ITPK1: variants seen among roughly 807,000 people sequenced by gnomAD.
ITPK1 encodes inositol 1,3,4-trisphosphate 5/6-kinase.
In ITPK1, 21 loss-of-function variants were observed where a neutral mutation model predicts 45.3. That is an observed-to-expected ratio of 0.46 (90% CI 0.33 to 0.67). The LOEUF (loss-of-function observed/expected upper bound fraction) is 0.67. ITPK1 is among the 30% of genes least tolerant of loss of function. The pLI, the probability that ITPK1 is intolerant of heterozygous loss-of-function variation, is 0.02. For missense variants in ITPK1, 474 were observed against 573.5 expected (o/e 0.83, Z 1.77); for synonymous variants, 258 against 253.6 (o/e 1.02, Z -0.16).
chr14:93,083,736 ATG>A (rs1491300188), intron 2 of ITPK1, among the ~76,000 whole-genome samples: 7 of 152,060 alleles, frequency 4.6e-5, no homozygotes, highest in Non-Finnish European at 1.0e-4. Flanking sequence ...CCCGTCACCC[ATG>A]TGTGTTGATG....
chr14:92,975,298 C>T lies in ITPK1; in HGVS notation c.365-12449G>A, dbSNP rs563882475. On this transcript the variant is annotated intron_variant, in intron 5 of 10. Coordinates refer to ENST00000267615, the MANE Select transcript of ITPK1 (RefSeq NM_014216.6). ...CCGCCACAGGGTGCAGGCTCAGTGC[C>T]CCAGGCAGTGCCCCTGACCCAGTAC... Among the ~76,000 whole-genome samples the T allele has an allele frequency of 5.3e-5, 8 of 152,306 alleles. No individual in the cohort carries two copies. The South Asian group carries it at 1.7e-3, about 32-fold the overall frequency.
chr14:92,945,341 A>C (rs1179803800), intron 10 of ITPK1, among the ~76,000 whole-genome samples: 2 of 152,224 alleles, frequency 1.3e-5, no homozygotes, highest in African/African-American at 4.8e-5. Context: ...ACACACACAG[A>C]AAGTGCCCAG....
At chr14:92,990,740 C>A (rs1004724141) in intron 5 of ITPK1, among the ~76,000 whole-genome samples, 2 of 152,180 alleles carry the variant, frequency 1.3e-5, no homozygotes, top group Admixed American at 6.5e-5. Context: ...AGAGGCCCTC[C>A]ACGGCTGATG....
At chr14:93,110,887 T>C (rs77715821) in intron 2 of ITPK1, among the ~76,000 whole-genome samples, 16 of 152,302 alleles carry the variant, frequency 1.1e-4, no homozygotes, top group African/African-American at 3.8e-4. Flanking sequence ...GGAAGCCACA[T>C]TCTCAGCGCA....
At chr14:92,988,149 T>G (rs4905021) in intron 5 of ITPK1, among the ~76,000 whole-genome samples, 29,204 of 152,156 alleles carry the variant, frequency 0.19, 3,076 homozygotes, top group East Asian at 0.32. Context: ...ACCAAGCACC[T>G]CCCCTGAGAG....
intron 4 of ITPK1, among the ~76,000 whole-genome samples, chr14:92,995,027 C>A (rs539364942): frequency 6.6e-6 from 1 of 152,266 alleles, no homozygotes; most frequent in Admixed American, 6.5e-5. Context: ...CAGTGACACA[C>A]CTACAAGCCA....
intron 4 of ITPK1, among the ~76,000 whole-genome samples, chr14:93,006,388 A>C (rs1887615658): frequency 6.6e-6 from 1 of 152,248 alleles, no homozygotes; most frequent in Admixed American, 6.5e-5. Context: ...AATGAACTGT[A>C]CATGATTCTC....
In ITPK1 at chr14:93,079,314, G is replaced by A. The variant is rs887739864; in HGVS notation, c.96-2695C>T. Among the ~76,000 whole-genome samples, 4 of 152,330 alleles carry A rather than the reference G, an allele frequency of 2.6e-5. No homozygotes were observed. The South Asian group carries it at 6.2e-4, about 24-fold the overall frequency. ...AAGTTGCAACAGTGGCAGAAAAGAGGGGGCCACCCACGTATGCTACACACC... is the reference window on the plus strand; with the variant it reads ...AAGTTGCAACAGTGGCAGAAAAGAGAGGGCCACCCACGTATGCTACACACC... On this transcript the variant is annotated intron_variant, in intron 2 of 10. Transcript: ENST00000267615.
rs1887770514 is a variant in ITPK1, at chr14:92,948,065, C to T, written c.739-1572G>A. On this transcript the variant is annotated intron_variant, in intron 9 of 10. Coordinates refer to ENST00000267615, the MANE Select transcript of ITPK1 (RefSeq NM_014216.6). ...CAAAGCGGAGGAACCCTGAATACAT[C>T]ATGCTGAGTGCAGGAACCCAGACAC... Among the ~76,000 whole-genome samples, 3 of 152,162 alleles carry T rather than the reference C, an allele frequency of 2.0e-5. No homozygotes were observed. The South Asian group carries it at 6.2e-4, about 32-fold the overall frequency.
At chr14:93,065,190 G>A (rs1017675119) in intron 3 of ITPK1, among the ~76,000 whole-genome samples, 1 of 152,166 alleles carries the variant, frequency 6.6e-6, no homozygotes, top group Admixed American at 6.5e-5. Context: ...ACTCATCCCT[G>A]GTCAGCCCTG....
intron 5 of ITPK1, among the ~76,000 whole-genome samples, chr14:92,991,228 C>G (rs1886771617): frequency 6.6e-6 from 1 of 152,080 alleles, no homozygotes; most frequent in Admixed American, 6.6e-5. Context: ...CAGGAAGGCT[C>G]TCTGCCTCTG....
chr14:93,098,350 G>A (rs952760350), intron 2 of ITPK1, among the ~76,000 whole-genome samples: 13 of 152,154 alleles, frequency 8.5e-5, no homozygotes, highest in Admixed American at 2.0e-4. Flanking sequence ...CCAGCTACTC[G>A]GAAGGTTGAG....
intron 4 of ITPK1, among the ~76,000 whole-genome samples, chr14:93,003,400 C>A (rs1304389378): frequency 6.6e-6 from 1 of 152,178 alleles, no homozygotes; most frequent in African/African-American, 2.4e-5. Flanking sequence ...GTCTTCCTGG[C>A]ACCTCCCAGA....
intron 8 of ITPK1, among the ~76,000 whole-genome samples, chr14:92,957,808 G>A (rs1397544454): frequency 2.0e-5 from 3 of 152,254 alleles, no homozygotes; most frequent in Non-Finnish European, 2.9e-5. Context: ...GGCTCAGCGG[G>A]AGACAGCAGG....
intron 4 of ITPK1, among the ~76,000 whole-genome samples, chr14:93,009,157 G>A (rs1168122178): frequency 2.6e-5 from 4 of 152,176 alleles, no homozygotes; most frequent in Non-Finnish European, 5.9e-5. Flanking sequence ...GCCTGGGATA[G>A]CCCCTAGCAG....
rs1887612670 is a variant in ITPK1, at chr14:92,944,987, C to A, written c.901+1344G>T. On this transcript the variant is annotated intron_variant, in intron 10 of 10. Coordinates refer to ENST00000267615, the MANE Select transcript of ITPK1 (RefSeq NM_014216.6). The stretch of plus-strand genomic sequence containing the variant: ...TGACTCTGTCCTCCAGCCTTCCTGC[C>A]CCGCAGCTGCACCTGCTGTAGCCAC... Among the ~76,000 whole-genome samples, 7 of 152,228 alleles carry A rather than the reference C, an allele frequency of 4.6e-5. 1 individual carries two copies. The highest frequency in any genetic ancestry group is 2.6e-4 in the Admixed American group (4 of 15,282).
chr14:92,980,191 G>A lies in ITPK1; in HGVS notation c.364+13689C>T, dbSNP rs77321024. The stretch of plus-strand genomic sequence containing the variant: ...CACACAGCTTCGATGCAGGATCCTC[G>A]TGTTTAAAATACAAGGCTGGATCTG... On this transcript the variant is annotated intron_variant, in intron 5 of 10. Coordinates refer to ENST00000267615, the MANE Select transcript of ITPK1 (RefSeq NM_014216.6). 6.6e-3 allele frequency among the ~76,000 whole-genome samples: 998 copies of A among 152,280 alleles called. 13 individuals carry two copies. Among genetic ancestry groups the A allele is most frequent in the African/African-American group, 0.023 (944 of 41,542 alleles).
At chr14:93,068,466 C>T (rs1423627807) in intron 3 of ITPK1, 1 of 152,384 alleles carries the variant, frequency 6.6e-6, no homozygotes, top group Non-Finnish European at 1.5e-5. Flanking sequence ...CGCAAGTCTA[C>T]CATGGGCTGT....
At chr14:93,090,430 A>G (rs1417426923) in intron 2 of ITPK1, among the ~76,000 whole-genome samples, 1 of 152,156 alleles carries the variant, frequency 6.6e-6, no homozygotes, top group Non-Finnish European at 1.5e-5. Flanking sequence ...AGCACATGGT[A>G]TATTCTCCTG....
Sources: gnomAD v4.1 joint callset for allele counts (sites outside exome capture counted in the v4.1 genomes callset) on GRCh38, gnomAD v4.1.1 for gene constraint, MANE v1.5 for transcripts, NCBI Gene and HGNC (gene_info 2026-07-23, HGNC 2026-07-21) for gene names.